The following GALNT17 variants were observed in gnomAD, a reference collection of about 807,000 sequenced individuals.
GALNT17 encodes the protein UDP-GalNAc:polypeptide N-acetylgalactosaminyltransferase-like 3.
GALNT17 carries 29 observed loss-of-function variants against 63.7 expected under a neutral mutation model. The observed-to-expected ratio is 0.46, with a 90% CI of 0.34 to 0.62. The LOEUF (loss-of-function observed/expected upper bound fraction) is 0.62, where lower values mean the gene tolerates loss of function less well. GALNT17 is among the 20% of genes least tolerant of loss of function. The probability of loss-of-function intolerance (pLI) is 0.01; values close to 1 mark genes in which losing one functional copy is unlikely to be tolerated. For missense variants in GALNT17, 603 were observed against 799.6 expected, an observed-to-expected ratio of 0.75 and a Z score of 2.97; for synonymous variants, 305 against 318.3, an observed-to-expected ratio of 0.96 and a Z score of 0.45.
At chr7:71,174,559 C>G (rs572375021) in intron 1 of GALNT17, among the ~76,000 whole-genome samples, 4 of 152,240 alleles carry the variant, frequency 2.6e-5, no homozygotes, top group East Asian at 1.9e-4. Flanking sequence ...GTCAGCAAAG[C>G]GTGGTGGGTT....
At chr7:71,163,985 C>A (rs111371120) in intron 1 of GALNT17, among the ~76,000 whole-genome samples, 1 of 152,138 alleles carries the variant, frequency 6.6e-6, no homozygotes, top group Non-Finnish European at 1.5e-5. Context: ...TGGAAGAAGG[C>A]TGGGTACTCT....
At chr7:71,549,346 T>C (rs1374906754) in intron 5 of GALNT17, among the ~76,000 whole-genome samples, 1 of 152,126 alleles carries the variant, frequency 6.6e-6, no homozygotes, top group African/African-American at 2.4e-5. Flanking sequence ...GGTGGGAAGC[T>C]TGCTTGAGCC....
intron 1 of GALNT17, among the ~76,000 whole-genome samples, chr7:71,168,671 A>G (rs1788490069): frequency 6.6e-6 from 1 of 151,406 alleles, no homozygotes; most frequent in South Asian, 2.1e-4. Context: ...AGTCAAGCAA[A>G]TTAACACATC....
At chr7:71,490,753 A>G (rs1787992458) in intron 5 of GALNT17, among the ~76,000 whole-genome samples, 1 of 151,974 alleles carries the variant, frequency 6.6e-6, no homozygotes, top group Admixed American at 6.6e-5. Flanking sequence ...TAAACAAATT[A>G]GCCAGGCAAG....
intron 5 of GALNT17, among the ~76,000 whole-genome samples, chr7:71,521,235 T>C (rs1562674252): frequency 6.6e-6 from 1 of 152,158 alleles, no homozygotes; most frequent in Non-Finnish European, 1.5e-5. Context: ...CAAATCTTTT[T>C]TTTTTTTTCC....
At chr7:71,156,579 G>GTCCCTCCTTCCTTCCTTCCT (rs1788238338) in intron 1 of GALNT17, among the ~76,000 whole-genome samples, 1 of 139,794 alleles carries the variant, frequency 7.2e-6, no homozygotes, top group African/African-American at 2.9e-5. Context: ...CACATGAGAT[G>GTCCCTCCTTCCTTCCTTCCT]TCCTTCCTTC....
At chr7:71,255,821 G>C (rs1171865262) in intron 1 of GALNT17, among the ~76,000 whole-genome samples, 3 of 152,148 alleles carry the variant, frequency 2.0e-5, no homozygotes, top group Non-Finnish European at 2.9e-5. Flanking sequence ...TACATCTGCT[G>C]TAAACCAAAA....
chr7:71,529,433 A>G (rs2116774714), intron 5 of GALNT17, among the ~76,000 whole-genome samples: 2 of 152,334 alleles, frequency 1.3e-5, no homozygotes, highest in East Asian at 3.9e-4. Flanking sequence ...AAAAAAATCG[A>G]AGAGACTTAC....
intron 5 of GALNT17, among the ~76,000 whole-genome samples, chr7:71,470,300 A>G (rs532316922): frequency 1.3e-5 from 2 of 152,152 alleles, no homozygotes; most frequent in Non-Finnish European, 2.9e-5. Context: ...AAGAGACACA[A>G]TGTGTCTTAA....
chr7:71,704,684 GA>G (rs1791697984), intron 9 of GALNT17, among the ~76,000 whole-genome samples: 1 of 152,048 alleles, frequency 6.6e-6, no homozygotes, highest in Non-Finnish European at 1.5e-5. Flanking sequence ...GAGATCAAAG[GA>G]ATCACATTTA....
intron 5 of GALNT17, among the ~76,000 whole-genome samples, chr7:71,501,651 T>G (rs1262290283): frequency 6.6e-6 from 1 of 152,142 alleles, no homozygotes; most frequent in East Asian, 1.9e-4. Flanking sequence ...TCCTGAGTGT[T>G]GATAGGGACT....
chr7:71,623,147 A>C (rs1164956159), intron 6 of GALNT17, among the ~76,000 whole-genome samples: 2 of 152,122 alleles, frequency 1.3e-5, no homozygotes, highest in Non-Finnish European at 1.5e-5. Flanking sequence ...TTTGCGTAGC[A>C]GTGAAAATCA....
At chr7:71,235,021 C>T (rs1312574791) in intron 1 of GALNT17, among the ~76,000 whole-genome samples, 19 of 152,108 alleles carry the variant, frequency 1.2e-4, no homozygotes, top group East Asian at 3.9e-4. Context: ...GAGGCTGAGG[C>T]GGGCAGATTG....
intron 6 of GALNT17, among the ~76,000 whole-genome samples, chr7:71,654,991 T>C (rs1330588508): frequency 6.6e-6 from 1 of 152,100 alleles, no homozygotes; most frequent in African/African-American, 2.4e-5. Flanking sequence ...GGTTTCACTA[T>C]GTTGGCCAGG....
chr7:71,465,681 T>C (rs1215081999), intron 5 of GALNT17, among the ~76,000 whole-genome samples: 1 of 152,198 alleles, frequency 6.6e-6, no homozygotes, highest in Non-Finnish European at 1.5e-5. Flanking sequence ...AAGAGGCAGA[T>C]TCATGGAAAA....
At chr7:71,164,299 A>T (rs562222487) in intron 1 of GALNT17, among the ~76,000 whole-genome samples, 1 of 152,206 alleles carries the variant, frequency 6.6e-6, no homozygotes, top group African/African-American at 2.4e-5. Context: ...GTGGAAGCTG[A>T]AGGGGAAGCA....
chr7:71,166,364 A>C (rs1035822392), intron 1 of GALNT17, among the ~76,000 whole-genome samples: 3 of 152,226 alleles, frequency 2.0e-5, no homozygotes, highest in Non-Finnish European at 4.4e-5. Flanking sequence ...TAATTGACAT[A>C]CTAAAAACTG....
intron 6 of GALNT17, among the ~76,000 whole-genome samples, chr7:71,656,049 A>G (rs946114665): frequency 1.3e-5 from 2 of 151,896 alleles, no homozygotes; most frequent in African/African-American, 4.8e-5. Context: ...GCCCCTCTCC[A>G]TTCATTAATG....
intron 6 of GALNT17, among the ~76,000 whole-genome samples, chr7:71,607,920 C>A (rs1241281406): frequency 6.6e-6 from 1 of 152,178 alleles, no homozygotes; most frequent in African/African-American, 2.4e-5. Context: ...GCTACAGTAA[C>A]AACTTAGTCC....
Sources: allele counts gnomAD v4.1 joint callset (sites outside exome capture counted in the v4.1 genomes callset), GRCh38; gene constraint gnomAD v4.1.1; transcripts MANE v1.5; gene names NCBI Gene and HGNC (gene_info 2026-07-23, HGNC 2026-07-21).